The following FBXW11 variants were observed in gnomAD, a reference collection of about 807,000 sequenced individuals.
The protein encoded by FBXW11 is F-box/WD repeat-containing protein 11.
A neutral mutation model predicts 77.6 loss-of-function variants in FBXW11; 19 were observed. That is an observed-to-expected ratio of 0.24 (90% CI 0.17 to 0.36). The LOEUF is 0.36. Among genes scored for constraint, FBXW11 ranks in the 10% least tolerant of loss-of-function variants. FBXW11 has a pLI of 1.00. For synonymous variants in FBXW11, 235 were observed against 249.4 expected (o/e 0.94, Z 0.54); for missense variants, 334 against 704.2 (o/e 0.47, Z 5.95).
intron 4 of FBXW11, among the ~76,000 whole-genome samples, chr5:171,903,390 G>A (rs184468618): frequency 3.9e-5 from 6 of 152,212 alleles, no homozygotes; most frequent in African/African-American, 1.2e-4. Flanking sequence ...GAGCCACTGC[G>A]CCTGGCTGCC....
intron 9 of FBXW11, 69 bp from the exon 10 acceptor site, chr5:171,873,059 A>G: frequency 1.6e-6 from 2 of 1,269,854 alleles, no homozygotes; most frequent in Non-Finnish European, 2.2e-6. Context: ...TACCTTTCTT[A>G]AAAAGACAGA....
intron 6 of FBXW11, among the ~76,000 whole-genome samples, chr5:171,893,211 G>A (rs1439885283): frequency 2.0e-5 from 3 of 151,444 alleles, no homozygotes; most frequent in East Asian, 1.9e-4. Flanking sequence ...CTGGAAATAC[G>A]GTATCTTCCC....
At position 171,908,086 on chromosome 5, in the gene FBXW11, C is replaced by A. The variant is rs1355707521; in HGVS notation, c.436+2486G>T. ...ATCAGTTAAAATCACTTATGAGGGA[C>A]AAATACAATCACCAACTTAAAAAAA... is the stretch of plus-strand genomic sequence containing the variant. On this transcript the variant is annotated intron_variant, in intron 4 of 13. Coordinates refer to ENST00000517395, the MANE Select transcript of FBXW11 (RefSeq NM_001378974.1). Among the ~76,000 whole-genome samples, 14 of 152,052 alleles carry A rather than the reference C, an allele frequency of 9.2e-5. No individual in the cohort carries two copies. The East Asian group carries it at 2.7e-3, about 29-fold the overall frequency.
At chr5:171,902,204 C>T (rs988340515) in intron 4 of FBXW11, among the ~76,000 whole-genome samples, 1 of 152,160 alleles carries the variant, frequency 6.6e-6, no homozygotes, top group African/African-American at 2.4e-5. Context: ...TTCTTCAGAC[C>T]TACCTACTAG....
chr5:171,920,858 G>A (rs1761554431), intron 2 of FBXW11, among the ~76,000 whole-genome samples: 1 of 151,926 alleles, frequency 6.6e-6, no homozygotes, highest in Non-Finnish European at 1.5e-5. Flanking sequence ...CTTCGCCCTG[G>A]GAAACGAATG....
chr5:171,935,632 A>G (rs975230675), intron 2 of FBXW11, among the ~76,000 whole-genome samples: 1 of 152,172 alleles, frequency 6.6e-6, no homozygotes, highest in African/African-American at 2.4e-5. Context: ...TTAAAGAGAA[A>G]GAGCATTAAT....
intron 1 of FBXW11, among the ~76,000 whole-genome samples, chr5:171,968,222 C>T (rs939505188): frequency 1.7e-4 from 26 of 151,688 alleles, no homozygotes; most frequent in African/African-American, 5.8e-4. Context: ...TTTGGGAGGC[C>T]GAGGTGGGCG....
intron 1 of FBXW11, among the ~76,000 whole-genome samples, chr5:172,004,774 A>G (rs1766627536): frequency 6.6e-6 from 1 of 152,130 alleles, no homozygotes; most frequent in Non-Finnish European, 1.5e-5. Context: ...CAAAAGTTAC[A>G]GAATACCAAA....
At chr5:171,889,400 T>C (rs1216004901) in intron 7 of FBXW11, among the ~76,000 whole-genome samples, 1 of 151,884 alleles carries the variant, frequency 6.6e-6, no homozygotes, top group Non-Finnish European at 1.5e-5. Context: ...TGGTGGCTCA[T>C]GCCTGTAGTC....
At chr5:171,883,647 G>A (rs1046392109) in intron 7 of FBXW11, among the ~76,000 whole-genome samples, 1 of 152,098 alleles carries the variant, frequency 6.6e-6, no homozygotes, top group Non-Finnish European at 1.5e-5. Flanking sequence ...AGCATCTACT[G>A]TTTTTTGATT....
chr5:171,980,673 A>G lies in FBXW11; in HGVS notation c.46-22975T>C, dbSNP rs912823532. 4.6e-5 allele frequency among the ~76,000 whole-genome samples: 7 copies of G among 152,214 alleles called. 1 individual carries two copies. Among genetic ancestry groups the G allele is most frequent in the Non-Finnish European group, 7.3e-5 (5 of 68,042 alleles). On this transcript the variant is annotated intron_variant, in intron 1 of 13. Transcript: ENST00000517395. Reference sequence around the variant, plus strand: ...AATGGCTAAAATTAAAAAGACTGACAATGCCAATTGCTGACTAGGATGTAG... The same window carrying G: ...AATGGCTAAAATTAAAAAGACTGACGATGCCAATTGCTGACTAGGATGTAG...
At chr5:171,887,061 A>G (rs1253708962) in intron 7 of FBXW11, among the ~76,000 whole-genome samples, 1 of 152,174 alleles carries the variant, frequency 6.6e-6, no homozygotes, top group Non-Finnish European at 1.5e-5. Flanking sequence ...TTCCGTGGTC[A>G]AATAAGTTTT....
intron 13 of FBXW11, among the ~76,000 whole-genome samples, chr5:171,865,283 TA>T (rs776127532): frequency 4.6e-3 from 617 of 134,220 alleles, no homozygotes; most frequent in Middle Eastern, 0.015. Flanking sequence ...AAAGTATAAT[TA>T]AAAAAAAAAA....
intron 1 of FBXW11, among the ~76,000 whole-genome samples, chr5:171,990,334 C>A (rs1317860746): frequency 1.3e-5 from 2 of 150,136 alleles, no homozygotes; most frequent in African/African-American, 2.4e-5. Flanking sequence ...ATTTAAAAAG[C>A]AAACAGTTTA....
intron 2 of FBXW11, among the ~76,000 whole-genome samples, chr5:171,916,254 GAAAAAAAA>G (rs34199464): frequency 7.2e-6 from 1 of 139,726 alleles, no homozygotes; most frequent in South Asian, 2.2e-4. Context: ...AAAAAAATGA[GAAAAAAAA>G]AAAAAAAGAT....
rs1247052066 is a variant in FBXW11 at position 171,942,827 on chromosome 5, A to AT, written c.147+14769dup. Among the ~76,000 whole-genome samples, 4 of 152,008 alleles carry AT rather than the reference A, an allele frequency of 2.6e-5. No individual in the cohort carries two copies. The East Asian group carries it at 5.8e-4, about 22-fold the overall frequency. On this transcript the variant is annotated intron_variant, in intron 2 of 13. Transcript: ENST00000517395. ...AAAAATTAATTAATTAATCAATTAAATTTTTTAAATTTAATTAAAAATAAA... is the reference window on the plus strand; with the variant it reads ...AAAAATTAATTAATTAATCAATTAAATTTTTTTAAATTTAATTAAAAATAAA...
In FBXW11 at chr5:171,937,338, T is replaced by C. The variant is rs147149023; in HGVS notation, c.147+20259A>G. Among the ~76,000 whole-genome samples the C allele has an allele frequency of 5.3e-5, 8 of 152,274 alleles. No individual in the cohort carries two copies. In the East Asian group the frequency reaches 1.5e-3, roughly 29 times the overall value. On this transcript the variant is annotated intron_variant, in intron 2 of 13. Transcript: ENST00000517395. ...GCCTCTCTACTGAAAAGCAAGATAC[T>C]TTCATAGCACATGAATACACAAATA...
chr5:172,003,093 T>G (rs1766515718), intron 1 of FBXW11: 1 of 152,250 alleles, frequency 6.6e-6, no homozygotes, highest in South Asian at 2.1e-4. Context: ...ATGACTCACT[T>G]AAGGTCACTT....
chr5:171,952,869 A>AT (rs1002375031), intron 2 of FBXW11, among the ~76,000 whole-genome samples: 2,066 of 147,594 alleles, frequency 0.014, 44 homozygotes, highest in African/African-American at 0.048. Context: ...TTCTTTCGCA[A>AT]TTTTTTTTTT....
Sources: allele counts gnomAD v4.1 joint callset (sites outside exome capture counted in the v4.1 genomes callset), GRCh38; gene constraint gnomAD v4.1.1; transcripts MANE v1.5; gene names NCBI Gene and HGNC (gene_info 2026-07-23, HGNC 2026-07-21).